Variants in LPIN1 observed in about 807,000 individuals in gnomAD.
The protein encoded by LPIN1 is phosphatidate phosphatase LPIN1.
In LPIN1, 71 loss-of-function variants were observed where a neutral mutation model predicts 107.5. The observed-to-expected ratio is 0.66, with a 90% CI of 0.55 to 0.80. LPIN1 has a LOEUF of 0.80. Among genes scored for constraint, LPIN1 ranks in the 30% least tolerant of loss-of-function variants. The pLI is 0.00. For synonymous variants in LPIN1, 445 were observed against 452.6 expected (o/e 0.98, Z 0.21); for missense variants, 1,043 against 1,160.6 (o/e 0.90, Z 1.47).
intron 2 of LPIN1, among the ~76,000 whole-genome samples, chr2:11,717,495 C>G (rs1216424411): frequency 6.6e-6 from 1 of 151,936 alleles, no homozygotes; most frequent in Non-Finnish European, 1.5e-5. Context: ...CCCATCCCCC[C>G]ACCCTCCAAA....
At position 11,787,398 on chromosome 2, in the gene LPIN1, CT is replaced by C. The variant is rs1205272301; in HGVS notation, c.1643+251del. Among the ~76,000 whole-genome samples, 59 of 64,570 alleles carry C rather than the reference CT, an allele frequency of 9.1e-4. 1 individual carries two copies. Among genetic ancestry groups the C allele is most frequent in the South Asian group, 9.0e-3 (19 of 2,110 alleles). 42.4% of individuals were successfully genotyped at this position (64,570 alleles called of 152,430 possible). ...GTGAGTTTTCTTTTCTTTTCTTTTT[CT>C]TTTTTTTTTTTTTTTTTTTGCGACA... is the stretch of plus-strand genomic sequence containing the variant. On this transcript the variant is annotated intron_variant, in intron 11 of 20. Coordinates refer to ENST00000674199, the MANE Select transcript of LPIN1 (RefSeq NM_001349206.2).
rs150768658 is a variant in LPIN1, at chr2:11,789,610, C to T, written c.1713+1154C>T. The stretch of plus-strand genomic sequence containing the variant: ...TGTGCATGTGTTGTGTTTTGAGGAC[C>T]GCAGTCTCATCCTGGGTGGTGCTTT... On this transcript the variant is annotated intron_variant, in intron 12 of 20. Transcript: ENST00000674199. Among the ~76,000 whole-genome samples the T allele has an allele frequency of 3.9e-3, 597 of 152,100 alleles. 8 individuals carry two copies. Among genetic ancestry groups the T allele is most frequent in the African/African-American group, 0.014 (578 of 41,498 alleles).
intron 1 of LPIN1, among the ~76,000 whole-genome samples, chr2:11,764,821 G>A (rs1291776497): frequency 2.0e-5 from 3 of 152,232 alleles, no homozygotes; most frequent in African/African-American, 7.2e-5. Flanking sequence ...GAGATTTAGT[G>A]TGCAAAACCT....
intron 1 of LPIN1, among the ~76,000 whole-genome samples, chr2:11,736,175 C>T (rs1262246300): frequency 1.3e-5 from 2 of 152,212 alleles, no homozygotes; most frequent in East Asian, 3.8e-4. Context: ...GGATTTGAAA[C>T]CAATTTGATG....
At chr2:11,698,473 G>A (rs1662700331) in intron 1 of LPIN1, among the ~76,000 whole-genome samples, 1 of 152,236 alleles carries the variant, frequency 6.6e-6, no homozygotes, top group South Asian at 2.1e-4. Context: ...AACAGTTTCA[G>A]AAACAGCTGT....
chr2:11,788,401 C>A lies in LPIN1; in HGVS notation c.1658C>A (p.Thr553Lys). The change falls in exon 12 of 21, where the codon ACA (threonine) becomes AAA (lysine). Residue 553 changes from threonine (T) to lysine (K), a missense_variant. Thr to Lys is a moderately conservative substitution (Grantham distance 78). Coordinates refer to ENST00000674199, the MANE Select transcript of LPIN1 (RefSeq NM_001349206.2). ...TTTTGTGTTAGATATTATAACTGGA[C>A]AACAGCAGCACCCCTCCTCCTGGCA... ...VKIGSKYYNW[T>K]TAAPLLLAMQ... 3 of 1,613,562 alleles carry A rather than the reference C, an allele frequency of 1.9e-6. No individual in the cohort carries two copies. Among genetic ancestry groups the A allele is most frequent in the Non-Finnish European group, 2.5e-6 (3 of 1,179,484 alleles).
chr2:11,716,786 C>T (rs563498317), intron 2 of LPIN1, among the ~76,000 whole-genome samples: 2 of 152,254 alleles, frequency 1.3e-5, no homozygotes, highest in East Asian at 3.9e-4. Flanking sequence ...ACACACTCAC[C>T]AACCCACCTC....
At chr2:11,685,092 C>T (rs544617083) in intron 1 of LPIN1, among the ~76,000 whole-genome samples, 4 of 151,994 alleles carry the variant, frequency 2.6e-5, no homozygotes, top group South Asian at 4.2e-4. Context: ...GGGAGGATGA[C>T]GTAATTTTCA....
At chr2:11,713,238 T>G (rs987669848) in intron 1 of LPIN1, among the ~76,000 whole-genome samples, 3 of 152,190 alleles carry the variant, frequency 2.0e-5, no homozygotes, top group Non-Finnish European at 4.4e-5. Flanking sequence ...AATTGACACA[T>G]CATAGTTGAA....
At chr2:11,729,266 T>A (rs1013184432) in intron 1 of LPIN1, among the ~76,000 whole-genome samples, 3 of 152,226 alleles carry the variant, frequency 2.0e-5, no homozygotes, top group African/African-American at 7.2e-5. Context: ...TATACCTATG[T>A]AACAAACCTG....
At chr2:11,722,860 A>C (rs1572403342), upstream of LPIN1, among the ~76,000 whole-genome samples, 1 of 152,240 alleles carries the variant, frequency 6.6e-6, no homozygotes, top group African/African-American at 2.4e-5. Context: ...TTTAGGAACA[A>C]TCACACTCTC....
chr2:11,741,752 A>G (rs528744096), upstream of LPIN1, among the ~76,000 whole-genome samples: 116 of 151,920 alleles, frequency 7.6e-4, no homozygotes, highest in African/African-American at 2.4e-3. Context: ...CGGAGCTTGC[A>G]GTAAGCCGAG....
intron 1 of LPIN1, among the ~76,000 whole-genome samples, chr2:11,684,989 GA>G (rs1661928000): frequency 1.3e-5 from 2 of 152,176 alleles, no homozygotes; most frequent in African/African-American, 4.8e-5. Context: ...GGGGAGAAAA[GA>G]ATAAGCAAGT....
At chr2:11,696,193 C>T (rs1662569819) in intron 1 of LPIN1, among the ~76,000 whole-genome samples, 1 of 151,842 alleles carries the variant, frequency 6.6e-6, no homozygotes, top group Non-Finnish European at 1.5e-5. Flanking sequence ...TACCCCCGCC[C>T]CCAAACAAGC....
At chr2:11,721,263 CGTGTGT>C (rs5829326), upstream of LPIN1, among the ~76,000 whole-genome samples, 5,106 of 129,790 alleles carry the variant, frequency 0.039, 96 homozygotes, top group African/African-American at 0.059. Context: ...GTACTGCATG[CGTGTGT>C]GTGTGTGTGT....
At chr2:11,798,899 A>T (rs938304176) in intron 14 of LPIN1, among the ~76,000 whole-genome samples, 2 of 152,228 alleles carry the variant, frequency 1.3e-5, no homozygotes, top group Middle Eastern at 3.2e-3. Flanking sequence ...ATAGCGTTTG[A>T]AAAACGTACA....
At chr2:11,684,265 C>G (rs1661882414) in intron 1 of LPIN1, among the ~76,000 whole-genome samples, 2 of 152,222 alleles carry the variant, frequency 1.3e-5, no homozygotes. Context: ...CTCTTGTCTC[C>G]TGGGCTCAAC....
chr2:11,775,033 T>C (rs148641375), intron 5 of LPIN1, among the ~76,000 whole-genome samples: 19 of 151,754 alleles, frequency 1.3e-4, no homozygotes, highest in African/African-American at 4.4e-4. Context: ...ATTTCCAAAA[T>C]ATCATTTCAA....
chr2:11,777,779 T>C (rs2278513), intron 6 of LPIN1, among the ~76,000 whole-genome samples: 63,702 of 152,156 alleles, frequency 0.42, 15,006 homozygotes, highest in Non-Finnish European at 0.55. Flanking sequence ...GACAGTGAGA[T>C]AATTTATTGC....
Sources: gnomAD v4.1 joint callset for allele counts (sites outside exome capture counted in the v4.1 genomes callset) on GRCh38, gnomAD v4.1.1 for gene constraint, MANE v1.5 for transcripts, NCBI Gene and HGNC (gene_info 2026-07-23, HGNC 2026-07-21) for gene names.